The following UBE4B variants were observed in gnomAD, a reference collection of about 807,000 sequenced individuals.
The protein encoded by UBE4B is ubiquitination factor E4B.
In UBE4B, 27 loss-of-function variants were observed where a neutral mutation model predicts 148.1. The ratio of observed to expected loss-of-function variants is 0.18; its 90% CI spans 0.13 to 0.25. The LOEUF (loss-of-function observed/expected upper bound fraction) is 0.25. Ranked by LOEUF, UBE4B falls within the 10% of genes least tolerant of loss-of-function variation. The pLI is 1.00. For missense variants in UBE4B, 1,170 were observed against 1,662.4 expected (o/e 0.70, Z 5.15); for synonymous variants, 596 against 619.3 (o/e 0.96, Z 0.56).
chr1:10,151,986 C>T (rs1379768841), intron 21 of UBE4B, among the ~76,000 whole-genome samples: 4 of 152,020 alleles, frequency 2.6e-5, no homozygotes, highest in Non-Finnish European at 4.4e-5. Flanking sequence ...GGTCCGGGTG[C>T]GGTGGCTCAT....
intron 2 of UBE4B, among the ~76,000 whole-genome samples, chr1:10,077,703 TTGTC>T (rs1420192966): frequency 2.6e-5 from 4 of 152,206 alleles, no homozygotes; most frequent in African/African-American, 9.7e-5. Flanking sequence ...ACCAGCTGGA[TTGTC>T]TGTTTTTCCT....
intron 23 of UBE4B, among the ~76,000 whole-genome samples, chr1:10,164,354 G>GAA: frequency 7.1e-6 from 1 of 141,048 alleles, no homozygotes; most frequent in East Asian, 2.1e-4. Context: ...TCTCAAAAAA[G>GAA]AAAAAAAAAA....
chr1:10,071,017 G>A (rs1288578320), intron 1 of UBE4B, among the ~76,000 whole-genome samples: 1 of 152,044 alleles, frequency 6.6e-6, no homozygotes, highest in East Asian at 1.9e-4. Flanking sequence ...CCGAGTTCAA[G>A]TGATTCTCCT....
At chr1:10,055,196 G>A (rs1644139286) in intron 1 of UBE4B, among the ~76,000 whole-genome samples, 1 of 152,188 alleles carries the variant, frequency 6.6e-6, no homozygotes, top group East Asian at 1.9e-4. Flanking sequence ...AGAATGGGTT[G>A]TGAGTGGGAG....
At chr1:10,056,482 G>A (rs1370528251) in intron 1 of UBE4B, among the ~76,000 whole-genome samples, 2 of 152,178 alleles carry the variant, frequency 1.3e-5, no homozygotes, top group South Asian at 2.1e-4. Context: ...GGAATACAGC[G>A]GTGAATAAAC....
chr1:10,163,085 G>T (rs1646191741), intron 23 of UBE4B, among the ~76,000 whole-genome samples: 1 of 151,968 alleles, frequency 6.6e-6, no homozygotes, highest in Non-Finnish European at 1.5e-5. Flanking sequence ...TAAAGACAGA[G>T]TGTTGATCTG....
chr1:10,075,429 A>G (rs1262382854), intron 2 of UBE4B, among the ~76,000 whole-genome samples: 1 of 152,166 alleles, frequency 6.6e-6, no homozygotes, highest in Non-Finnish European at 1.5e-5. Flanking sequence ...TGGTCATCTC[A>G]TGCCCACCCT....
intron 21 of UBE4B, among the ~76,000 whole-genome samples, chr1:10,155,084 A>AGAGT (rs748881096): frequency 4.7e-4 from 69 of 146,294 alleles, no homozygotes; most frequent in East Asian, 1.8e-3. Context: ...AGAGAGAGAG[A>AGAGT]GTGTGTGTGT....
rs2101762599 is a variant in UBE4B at position 10,036,672 on chromosome 1, T to G, written c.24+2978T>G. Among the ~76,000 whole-genome samples, 3 of 152,210 alleles carry G rather than the reference T, an allele frequency of 2.0e-5. No individual in the cohort carries two copies. In the East Asian group the frequency reaches 5.8e-4, roughly 29 times the overall value. On this transcript the variant is annotated intron_variant, in intron 1 of 27. Transcript: ENST00000343090. Reference sequence around the variant, plus strand: ...TCTTTTTAATTCAATTAAAAATTTTTGAGGTTAGGTAAGCAGTTCTCATGA... The same window carrying G: ...TCTTTTTAATTCAATTAAAAATTTTGGAGGTTAGGTAAGCAGTTCTCATGA...
intron 18 of UBE4B, among the ~76,000 whole-genome samples, chr1:10,146,637 C>T (rs1329085794): frequency 1.3e-5 from 2 of 152,076 alleles, no homozygotes; most frequent in Non-Finnish European, 2.9e-5. Flanking sequence ...GGCTTTTTCC[C>T]ACTAACCACC....
At chr1:10,061,719 A>G (rs1570803026) in intron 1 of UBE4B, among the ~76,000 whole-genome samples, 1 of 152,074 alleles carries the variant, frequency 6.6e-6, no homozygotes, top group Non-Finnish European at 1.5e-5. Context: ...TCTCAACTCT[A>G]CCCAGAAATC....
intron 23 of UBE4B, among the ~76,000 whole-genome samples, chr1:10,164,205 G>A (rs1455739812): frequency 6.6e-6 from 1 of 152,078 alleles, no homozygotes; most frequent in Non-Finnish European, 1.5e-5. Flanking sequence ...GCCAGGCATG[G>A]TGACAGGTGC....
chr1:10,135,319 C>T (rs1645661680), intron 16 of UBE4B, 133 bp downstream of exon 16: 3 of 978,328 alleles, frequency 3.1e-6, no homozygotes, highest in African/African-American at 1.6e-5. Flanking sequence ...AAAATTAATA[C>T]AGTAGGCCTG....
At position 10,033,012 on chromosome 1, in the gene UBE4B, G is replaced by C. The variant is rs72859578; in HGVS notation, c.-659G>C. On this transcript the variant is annotated 5_prime_UTR_variant, in exon 1 of 28. Coordinates refer to ENST00000343090, the MANE Select transcript of UBE4B (RefSeq NM_001105562.3). ...TGATGAATAATACTTGGTGGGGCGA[G>C]GGGGAAAGAGTAGGGGTGGAGGGGT... 0.054 allele frequency: 8,185 copies of C among 152,324 alleles called. 257 individuals are homozygous for C. The highest frequency in any genetic ancestry group is 0.14 in the Middle Eastern group (42 of 294). 9.4% of individuals were successfully genotyped at this position (152,324 alleles called of 1,614,324 possible).
At chr1:10,069,175 G>T (rs1291371014) in intron 1 of UBE4B, among the ~76,000 whole-genome samples, 1 of 152,146 alleles carries the variant, frequency 6.6e-6, no homozygotes, top group Non-Finnish European at 1.5e-5. Flanking sequence ...GGCTGAACTT[G>T]GCATTGAGGT....
intron 20 of UBE4B, among the ~76,000 whole-genome samples, chr1:10,150,306 C>T (rs1645948330): frequency 6.6e-6 from 1 of 152,030 alleles, no homozygotes; most frequent in South Asian, 2.1e-4. Context: ...TGTTGAAAAA[C>T]CAACCTTGGA....
intron 2 of UBE4B, among the ~76,000 whole-genome samples, chr1:10,094,252 C>T (rs557222665): frequency 7.9e-5 from 12 of 152,068 alleles, no homozygotes; most frequent in Non-Finnish European, 1.8e-4. Context: ...AACAAAGTGT[C>T]AGGTTTTTAA....
At position 10,168,035 on chromosome 1, in the gene UBE4B, C is replaced by T. The variant is rs1264557952; in HGVS notation, c.3199-101C>T. 3 of 1,385,206 alleles carry T rather than the reference C, an allele frequency of 2.2e-6. No individual in the cohort carries two copies. Among genetic ancestry groups the T allele is most frequent in the South Asian group, 1.6e-5 (1 of 62,974 alleles). The allele number at this position is 1,385,206 out of a possible 1,614,324, so 85.8% of individuals were successfully genotyped here. A position where few individuals can be genotyped will look rare whatever the true frequency, so the allele number is the denominator to read the frequency against. On this transcript the variant is annotated intron_variant, in intron 23 of 27. Coordinates refer to ENST00000343090, the MANE Select transcript of UBE4B (RefSeq NM_001105562.3). This position sits in a 1 kb window ranked among gnomAD's most constrained non-coding sequence, Gnocchi z 4.9. ...GCAGGCGGTTCTGTCATTCCCTAAGCATGTTGGGTTTATCACGCACTTTCC... is the reference window on the plus strand; with the variant it reads ...GCAGGCGGTTCTGTCATTCCCTAAGTATGTTGGGTTTATCACGCACTTTCC...
At chr1:10,115,269 G>A (rs889346370) in intron 7 of UBE4B, among the ~76,000 whole-genome samples, 4 of 150,398 alleles carry the variant, frequency 2.7e-5, no homozygotes, top group African/African-American at 9.8e-5. Context: ...TTACAGGCAT[G>A]AGCCACCGTG....
Sources: allele counts gnomAD v4.1 joint callset (sites outside exome capture counted in the v4.1 genomes callset), GRCh38; gene constraint gnomAD v4.1.1; non-coding constraint Gnocchi (gnomAD v3.1); transcripts MANE v1.5; gene names NCBI Gene and HGNC (gene_info 2026-07-23, HGNC 2026-07-21).